The following EFHB variants were observed in gnomAD, a reference collection of about 807,000 sequenced individuals.
EFHB encodes EF-hand domain family member B.
A neutral mutation model predicts 87.2 loss-of-function variants in EFHB; 91 were observed. The ratio of observed to expected loss-of-function variants is 1.04; its 90% CI spans 0.88 to 1.24. The LOEUF (loss-of-function observed/expected upper bound fraction) is 1.24, where lower values mean the gene tolerates loss of function less well. EFHB is among the 50% of genes most tolerant of loss of function. The pLI is 0.00. For missense variants in EFHB, 1,084 were observed against 998.8 expected, an observed-to-expected ratio of 1.09 and a Z score of -1.15; for synonymous variants, 325 against 333.6, an observed-to-expected ratio of 0.97 and a Z score of 0.28.
At chr3:19,887,739 A>C (rs917921881) in intron 10 of EFHB, among the ~76,000 whole-genome samples, 4 of 152,226 alleles carry the variant, frequency 2.6e-5, no homozygotes, top group Non-Finnish European at 5.9e-5. Flanking sequence ...TCTTGAACCA[A>C]GGGTTGGACA....
At chr3:19,884,661 A>T (rs772724325) in intron 10 of EFHB, 46 bp from the exon 11 acceptor site, 1 of 1,555,302 alleles carries the variant, frequency 6.4e-7, no homozygotes, top group Non-Finnish European at 8.8e-7. Context: ...ATACATTACT[A>T]CTTAGTGCTT....
chr3:19,920,141 T>C (rs1376386787), intron 2 of EFHB, among the ~76,000 whole-genome samples, 165 bp from the exon 3 acceptor site: 1 of 152,212 alleles, frequency 6.6e-6, no homozygotes, highest in East Asian at 1.9e-4. Context: ...TATTTATTTA[T>C]TAATGAAAGT....
chr3:19,890,180 TACCATGCCACC>T (rs1366885025), intron 9 of EFHB, among the ~76,000 whole-genome samples: 1 of 152,184 alleles, frequency 6.6e-6, no homozygotes, highest in Non-Finnish European at 1.5e-5. Context: ...TTCATGGAGC[TACCATGCCACC>T]ACCATGCCAC....
At chr3:19,884,042 T>C (rs2071749092) in intron 11 of EFHB, among the ~76,000 whole-genome samples, 1 of 152,200 alleles carries the variant, frequency 6.6e-6, no homozygotes, top group South Asian at 2.1e-4. Context: ...ATGTAAAAGC[T>C]CTTTAAATAT....
intron 5 of EFHB, among the ~76,000 whole-genome samples, chr3:19,908,682 T>G (rs1160508890): frequency 1.3e-5 from 2 of 150,444 alleles, no homozygotes; most frequent in South Asian, 2.1e-4. Flanking sequence ...AGATAGAGAA[T>G]TGTGGGAATT....
chr3:19,896,869 A>G (rs1338815835), intron 8 of EFHB, 28 bp from the exon 9 acceptor site: 9 of 1,539,212 alleles, frequency 5.8e-6, no homozygotes, highest in Non-Finnish European at 7.9e-6. Flanking sequence ...AACTTTTTAC[A>G]TAAATTTAAA....
intron 5 of EFHB, among the ~76,000 whole-genome samples, 156 bp from the exon 6 acceptor site, chr3:19,905,905 C>T (rs1575016501): frequency 6.6e-6 from 1 of 152,340 alleles, no homozygotes; most frequent in South Asian, 2.1e-4. Flanking sequence ...CTACAGATGA[C>T]AGAAGCATTC....
In EFHB at chr3:19,918,293, T is replaced by G; in HGVS notation, c.1116A>C (p.Ala372=). ...TGTCCATGCCTTTTGGTAATCCTGG[T>G]GCTTGATCGTGAGATTTTCCTAATG... ...RAPLGKSHDQ[A]PGLPKGMDTT... The change falls in exon 4 of 13, where the codon GCA becomes GCC. Residue 372 remains alanine (A), a synonymous_variant. Coordinates refer to ENST00000295824, the MANE Select transcript of EFHB (RefSeq NM_144715.4). 1 of 1,613,678 alleles carries G rather than the reference T, an allele frequency of 6.2e-7. No individual in the cohort carries two copies. The highest frequency in any genetic ancestry group is 8.5e-7 in the Non-Finnish European group (1 of 1,179,812).
rs779574504 is a variant in EFHB, at chr3:19,898,848, A to G, written c.1503-3T>C. The G allele has an allele frequency of 1.9e-6, 3 of 1,613,490 alleles. No individual in the cohort carries two copies. The highest frequency in any genetic ancestry group is 2.5e-6 in the Non-Finnish European group (3 of 1,179,644). On this transcript the variant is annotated splice_region_variant and splice_polypyrimidine_tract_variant and intron_variant, in intron 7 of 12. Transcript: ENST00000295824. Reference sequence around the variant, plus strand: ...GAACATTCATTGTTTCTGCAATGCTATCAAAGAAAACAAATCCTTAGTTAA... The same window carrying G: ...GAACATTCATTGTTTCTGCAATGCTGTCAAAGAAAACAAATCCTTAGTTAA...
At chr3:19,882,055 A>ATAAATAATCAAATAAT (rs2071691727) in intron 12 of EFHB, among the ~76,000 whole-genome samples, 1 of 140,130 alleles carries the variant, frequency 7.1e-6, no homozygotes, top group Non-Finnish European at 1.5e-5. Context: ...AAATAAATAA[A>ATAAATAATCAAATAAT]TAAATAATTA....
chr3:19,919,763 T>C (rs1234004812), intron 3 of EFHB, 70 bp downstream of exon 3: 2 of 1,459,092 alleles, frequency 1.4e-6, no homozygotes, highest in African/African-American at 2.8e-5. Context: ...TGAATTTCAC[T>C]AATACCTGAT....
At chr3:19,945,489 TG>T (rs1278857726) in intron 1 of EFHB, among the ~76,000 whole-genome samples, 1 of 152,180 alleles carries the variant, frequency 6.6e-6, no homozygotes, top group Non-Finnish European at 1.5e-5. Flanking sequence ...GACAATGGTT[TG>T]TGAGGAGAAG....
chr3:19,893,168 CT>C (rs1010839647), intron 9 of EFHB, among the ~76,000 whole-genome samples: 1 of 152,084 alleles, frequency 6.6e-6, no homozygotes, highest in Non-Finnish European at 1.5e-5. Context: ...TCAGGCTGGT[CT>C]CGAACTCATG....
chr3:19,895,062 T>A (rs1694434362), intron 9 of EFHB: 1 of 147,868 alleles, frequency 6.8e-6, no homozygotes. Context: ...ATAAATAATA[T>A]ATAAATATAT....
intron 7 of EFHB, 112 bp downstream of exon 7, chr3:19,899,320 G>T (rs1448542905): frequency 1.4e-6 from 1 of 694,634 alleles, no homozygotes; most frequent in South Asian, 3.0e-5. Flanking sequence ...ATAAAATAAT[G>T]ATTTTCTTAT....
chr3:19,924,333 C>G lies in EFHB; in HGVS notation c.790-3766G>C, dbSNP rs561103759. Among the ~76,000 whole-genome samples, 540 of 151,908 alleles carry G rather than the reference C, an allele frequency of 3.6e-3. 8 individuals are homozygous for G. Among genetic ancestry groups the G allele is most frequent in the Non-Finnish European group, 4.9e-3 (335 of 67,958 alleles). On this transcript the variant is annotated intron_variant, in intron 1 of 12. Coordinates refer to ENST00000295824, the MANE Select transcript of EFHB (RefSeq NM_144715.4). ...GGTTCAAGTGATTCTCCTGCCTCAGCCTCCCGAGTAGCTGGGAATACAGGC... is the reference window on the plus strand; with the variant it reads ...GGTTCAAGTGATTCTCCTGCCTCAGGCTCCCGAGTAGCTGGGAATACAGGC...
chr3:19,901,515 C>T (rs193017509), intron 6 of EFHB, among the ~76,000 whole-genome samples: 4 of 152,166 alleles, frequency 2.6e-5, no homozygotes, highest in Non-Finnish European at 4.4e-5. Context: ...TGTGGAGGAA[C>T]AAAAGAAGAA....
chr3:19,945,512 G>A (rs967570565), intron 1 of EFHB, among the ~76,000 whole-genome samples: 3 of 152,070 alleles, frequency 2.0e-5, no homozygotes, highest in African/African-American at 7.2e-5. Context: ...AAGAGGTGAA[G>A]CTGATTCTGC....
chr3:19,888,767 C>T (rs1348282345), intron 9 of EFHB, 116 bp from the exon 10 acceptor site: 2 of 899,576 alleles, frequency 2.2e-6, no homozygotes, highest in Non-Finnish European at 3.3e-6. Flanking sequence ...TCAAATTTGT[C>T]TCAATTTTCA....
Sources: gnomAD v4.1 joint callset for allele counts (sites outside exome capture counted in the v4.1 genomes callset) on GRCh38, gnomAD v4.1.1 for gene constraint, MANE v1.5 for transcripts, NCBI Gene and HGNC (gene_info 2026-07-23, HGNC 2026-07-21) for gene names.